The following KCNH8 variants were observed in gnomAD, a reference collection of about 807,000 sequenced individuals.
The protein encoded by KCNH8 is voltage-gated delayed rectifier potassium channel KCNH8.
A neutral mutation model predicts 103.6 loss-of-function variants in KCNH8; 70 were observed. That is an observed-to-expected ratio of 0.68 (90% CI 0.56 to 0.82). The LOEUF is 0.82. Among genes scored for constraint, KCNH8 ranks in the 40% least tolerant of loss-of-function variants. KCNH8 has a pLI of 0.00. For synonymous variants in KCNH8, 498 were observed against 489.4 expected, an observed-to-expected ratio of 1.02 and a Z score of -0.23; for missense variants, 1,217 against 1,329.9, an observed-to-expected ratio of 0.92 and a Z score of 1.32.
chr3:19,307,929 A>G (rs1374050589), intron 3 of KCNH8, among the ~76,000 whole-genome samples: 4 of 151,874 alleles, frequency 2.6e-5, no homozygotes, highest in African/African-American at 7.3e-5. Flanking sequence ...GAGATTTGCT[A>G]AAGAATACAA....
At chr3:19,205,172 T>C (rs1276497849) in intron 1 of KCNH8, among the ~76,000 whole-genome samples, 3 of 152,058 alleles carry the variant, frequency 2.0e-5, no homozygotes, top group African/African-American at 7.2e-5. Flanking sequence ...CACTCTTTCA[T>C]ATATCTAACT....
chr3:19,383,114 A>C (rs2066309547), intron 5 of KCNH8, among the ~76,000 whole-genome samples: 1 of 152,156 alleles, frequency 6.6e-6, no homozygotes, highest in South Asian at 2.1e-4. Context: ...ATGGTAAGGA[A>C]ATATAATCTT....
chr3:19,388,125 A>G (rs936075486), intron 5 of KCNH8, among the ~76,000 whole-genome samples: 2 of 152,108 alleles, frequency 1.3e-5, no homozygotes, highest in Non-Finnish European at 2.9e-5. Context: ...AAACTGTGGT[A>G]GATTCCATGG....
chr3:19,281,532 T>C (rs1186552772), intron 3 of KCNH8, among the ~76,000 whole-genome samples: 1 of 152,054 alleles, frequency 6.6e-6, no homozygotes, highest in Non-Finnish European at 1.5e-5. Flanking sequence ...AAAGACACAC[T>C]TGACAGGAAC....
intron 1 of KCNH8, among the ~76,000 whole-genome samples, chr3:19,230,301 A>G (rs1443930381): frequency 1.3e-5 from 2 of 152,224 alleles, no homozygotes; most frequent in Non-Finnish European, 2.9e-5. Context: ...CAAGGTTTCA[A>G]TAAATCTTAT....
chr3:19,373,005 C>T (rs1422072631), intron 5 of KCNH8, among the ~76,000 whole-genome samples: 4 of 151,676 alleles, frequency 2.6e-5, no homozygotes, highest in African/African-American at 9.7e-5. Flanking sequence ...CTGCTGGATT[C>T]GTTTTGCCAG....
intron 7 of KCNH8, among the ~76,000 whole-genome samples, chr3:19,428,787 C>A (rs1229365216): frequency 6.6e-6 from 1 of 152,118 alleles, no homozygotes; most frequent in Non-Finnish European, 1.5e-5. Flanking sequence ...GACAAGATCG[C>A]GTATGCACTT....
At chr3:19,186,946 C>G (rs2063508168) in intron 1 of KCNH8, among the ~76,000 whole-genome samples, 1 of 152,026 alleles carries the variant, frequency 6.6e-6, no homozygotes. Flanking sequence ...GCCTTATGGT[C>G]TCCCATTCAA....
chr3:19,501,970 G>A (rs575638935), intron 11 of KCNH8, among the ~76,000 whole-genome samples: 26 of 152,198 alleles, frequency 1.7e-4, no homozygotes, highest in African/African-American at 5.5e-4. Flanking sequence ...TAGGAAAAGA[G>A]GAAGTCAAAT....
rs114661193 is a variant in KCNH8, at chr3:19,315,668, T to G, written c.443-26919T>G. Reference sequence around the variant, plus strand: ...TTGGCCCATCTGGAATGCTTAAGTATTCCTCAAAATAGTTCTTTTGTGCAC... The same window carrying G: ...TTGGCCCATCTGGAATGCTTAAGTAGTCCTCAAAATAGTTCTTTTGTGCAC... On this transcript the variant is annotated intron_variant, in intron 3 of 15. Transcript: ENST00000328405. Among the ~76,000 whole-genome samples, 362 of 152,146 alleles carry G rather than the reference T, an allele frequency of 2.4e-3. 1 individual carries two copies. The highest frequency in any genetic ancestry group is 8.3e-3 in the African/African-American group (346 of 41,556).
intron 5 of KCNH8, among the ~76,000 whole-genome samples, chr3:19,365,738 CAATT>C (rs1230895116): frequency 6.6e-6 from 1 of 151,816 alleles, no homozygotes; most frequent in Non-Finnish European, 1.5e-5. Context: ...GTAAACAAAA[CAATT>C]AATTTAAATG....
At chr3:19,502,923 A>G (rs1450184341) in intron 11 of KCNH8, among the ~76,000 whole-genome samples, 1 of 152,126 alleles carries the variant, frequency 6.6e-6, no homozygotes, top group Non-Finnish European at 1.5e-5. Context: ...CAGAATTGAC[A>G]AATGGGATCT....
intron 11 of KCNH8, among the ~76,000 whole-genome samples, chr3:19,472,779 G>A (rs549911525): frequency 1.3e-5 from 2 of 152,256 alleles, no homozygotes; most frequent in East Asian, 3.9e-4. Flanking sequence ...TTGCAGAGAG[G>A]ACATTCACAT....
intron 5 of KCNH8, among the ~76,000 whole-genome samples, chr3:19,377,843 C>A (rs2066232982): frequency 6.6e-6 from 1 of 152,184 alleles, no homozygotes; most frequent in Non-Finnish European, 1.5e-5. Flanking sequence ...GGCTGAGAGC[C>A]ATTAAAATGC....
At chr3:19,310,086 C>G (rs1302310923) in intron 3 of KCNH8, among the ~76,000 whole-genome samples, 1 of 151,846 alleles carries the variant, frequency 6.6e-6, no homozygotes, top group East Asian at 1.9e-4. Flanking sequence ...CATTCTTGCT[C>G]CTAGCATTGT....
intron 4 of KCNH8, among the ~76,000 whole-genome samples, chr3:19,344,254 T>G (rs1208244236): frequency 6.6e-6 from 1 of 152,054 alleles, no homozygotes; most frequent in Non-Finnish European, 1.5e-5. Context: ...TAAACAAATA[T>G]TATCCACAGA....
At chr3:19,351,378 C>A (rs1194679619) in intron 5 of KCNH8, among the ~76,000 whole-genome samples, 1 of 152,048 alleles carries the variant, frequency 6.6e-6, no homozygotes, top group Non-Finnish European at 1.5e-5. Context: ...TCAGGAAATA[C>A]AGAGAATGCC....
chr3:19,293,514 G>T (rs1349875150), intron 3 of KCNH8, among the ~76,000 whole-genome samples: 2 of 152,262 alleles, frequency 1.3e-5, no homozygotes, highest in South Asian at 4.1e-4. Context: ...TAGACCTTTC[G>T]ATCAGAATCT....
At chr3:19,281,059 A>C (rs1252745453) in intron 2 of KCNH8, 139 bp from the exon 3 acceptor site, 6 of 798,676 alleles carry the variant, frequency 7.5e-6, no homozygotes, top group Non-Finnish European at 1.2e-5. Flanking sequence ...GGAACCTGAA[A>C]ACTGACATTT....
Sources: allele counts gnomAD v4.1 joint callset (sites outside exome capture counted in the v4.1 genomes callset), GRCh38; gene constraint gnomAD v4.1.1; transcripts MANE v1.5; gene names NCBI Gene and HGNC (gene_info 2026-07-23, HGNC 2026-07-21).